The following GRM8 variants were observed in gnomAD, a reference collection of about 807,000 sequenced individuals.
The protein encoded by GRM8 is glutamate metabotropic receptor 8, also known as metabotropic glutamate receptor 8.
Under a neutral mutation model 87.2 loss-of-function variants are expected in GRM8, and 47 were observed. The observed-to-expected ratio is 0.54, with a 90% CI of 0.43 to 0.69. The LOEUF (loss-of-function observed/expected upper bound fraction) is 0.69, where lower values mean the gene tolerates loss of function less well. Ranked by LOEUF, GRM8 falls within the 30% of genes least tolerant of loss-of-function variation. The pLI is 0.00. For missense variants in GRM8, 1,019 were observed against 1,139.2 expected (o/e 0.89, Z 1.52); for synonymous variants, 396 against 404.5 (o/e 0.98, Z 0.25).
chr7:126,571,411 T>C (rs1429795155), intron 8 of GRM8, among the ~76,000 whole-genome samples: 2 of 152,186 alleles, frequency 1.3e-5, no homozygotes, highest in East Asian at 1.9e-4. Context: ...ATAAAGAGTC[T>C]AACTACAGAG....
At chr7:126,486,397 A>G (rs1448497199) in intron 9 of GRM8, among the ~76,000 whole-genome samples, 1 of 151,762 alleles carries the variant, frequency 6.6e-6, no homozygotes, top group Non-Finnish European at 1.5e-5. Flanking sequence ...TATCCATAAG[A>G]CCTCCTCAAA....
At chr7:126,534,881 GAACA>G (rs1562932486) in intron 8 of GRM8, among the ~76,000 whole-genome samples, 5 of 152,226 alleles carry the variant, frequency 3.3e-5, no homozygotes, top group African/African-American at 9.6e-5. Context: ...TCACTGGTGT[GAACA>G]AACAGTGACT....
At position 127,231,545 on chromosome 7, in the gene GRM8, ATG is replaced by A. The variant is rs1340028905; in HGVS notation, c.510+11148_510+11149del. On this transcript the variant is annotated intron_variant, in intron 2 of 10. Transcript: ENST00000339582. ...TGTTTTTCTGATTGTCCTAAAATGA[ATG>A]TGACTTCTAGAACAAGTACTTCTGA... is the stretch of plus-strand genomic sequence containing the variant. 5.3e-5 allele frequency among the ~76,000 whole-genome samples: 8 copies of A among 152,352 alleles called. No homozygotes were observed. In the East Asian group the frequency reaches 1.5e-3, roughly 29 times the overall value.
At chr7:126,608,202 T>G (rs1390763601) in intron 8 of GRM8, among the ~76,000 whole-genome samples, 1 of 146,976 alleles carries the variant, frequency 6.8e-6, no homozygotes, top group Non-Finnish European at 1.5e-5. Flanking sequence ...AAGTTCAGAA[T>G]TGGTTTCCTG....
intron 6 of GRM8, among the ~76,000 whole-genome samples, chr7:126,816,138 C>G (rs747532678): frequency 6.6e-6 from 1 of 152,068 alleles, no homozygotes; most frequent in Non-Finnish European, 1.5e-5. Flanking sequence ...CTAGTCTCAA[C>G]TCAGGGCCAA....
chr7:126,894,846 C>A (rs942204264), intron 6 of GRM8, among the ~76,000 whole-genome samples: 2 of 152,066 alleles, frequency 1.3e-5, no homozygotes, highest in Non-Finnish European at 2.9e-5. Flanking sequence ...AGACAACCAA[C>A]TTGACCAGAT....
chr7:126,616,970 C>T (rs905178077), intron 7 of GRM8, among the ~76,000 whole-genome samples: 18 of 152,162 alleles, frequency 1.2e-4, no homozygotes, highest in African/African-American at 4.3e-4. Context: ...GGTACCATTC[C>T]TTCTGAAAAT....
intron 8 of GRM8, among the ~76,000 whole-genome samples, chr7:126,566,161 G>A (rs770865300): frequency 4.6e-5 from 7 of 152,076 alleles, no homozygotes; most frequent in South Asian, 2.1e-4. Flanking sequence ...AAGCATTGGC[G>A]AAGAAAACAA....
intron 2 of GRM8, among the ~76,000 whole-genome samples, chr7:127,238,960 C>A (rs1014127152): frequency 6.6e-6 from 1 of 152,188 alleles, no homozygotes; most frequent in Non-Finnish European, 1.5e-5. Context: ...AAATAAAATG[C>A]TCCTCTGACT....
intron 7 of GRM8, among the ~76,000 whole-genome samples, chr7:126,623,791 A>G (rs1014061073): frequency 1.3e-5 from 2 of 152,156 alleles, no homozygotes; most frequent in Admixed American, 1.3e-4. Context: ...CAAGGCCCAT[A>G]TCTAGGCCAG....
intron 8 of GRM8, among the ~76,000 whole-genome samples, chr7:126,535,795 A>G (rs968760110): frequency 6.6e-6 from 1 of 151,056 alleles, no homozygotes; most frequent in African/African-American, 2.4e-5. Flanking sequence ...CATCATGAAA[A>G]CTCTCAGCAG....
intron 2 of GRM8, among the ~76,000 whole-genome samples, chr7:127,163,789 T>C (rs1277619775): frequency 6.6e-6 from 1 of 152,172 alleles, no homozygotes; most frequent in Non-Finnish European, 1.5e-5. Context: ...CCCTCTACTT[T>C]TGCACATGTT....
At chr7:126,571,738 C>T (rs2150987171) in intron 8 of GRM8, among the ~76,000 whole-genome samples, 1 of 143,214 alleles carries the variant, frequency 7.0e-6, no homozygotes, top group African/African-American at 2.6e-5. Flanking sequence ...TCCAAATATA[C>T]AGGATTTTTT....
intron 8 of GRM8, among the ~76,000 whole-genome samples, chr7:126,605,346 A>G (rs1398526440): frequency 2.0e-5 from 3 of 152,204 alleles, no homozygotes; most frequent in Non-Finnish European, 4.4e-5. Context: ...TACTGAGTAG[A>G]AAACTTAAAC....
Position 127,106,668 on chromosome 7 carries a change from A to G in GRM8, c.555T>C (p.Asp185=). Reference sequence around the variant, plus strand: ...GAGAGAAAAAGTCATACCTGGTGTTATCACTTAGCTCTGGGGCTGTGGATG... The same window carrying G: ...GAGAGAAAAAGTCATACCTGGTGTTGTCACTTAGCTCTGGGGCTGTGGATG... The part of the protein sequence containing the change: ...SYASTAPELS[D]NTRYDFFSRV... Residue 185 remains aspartate, a synonymous_variant, in exon 3 of 11, where the codon GAT becomes GAC. Transcript: ENST00000339582. The G allele has an allele frequency of 6.2e-7, 1 of 1,614,022 alleles. No homozygotes were observed. The highest frequency in any genetic ancestry group is 8.5e-7 in the Non-Finnish European group (1 of 1,179,900).
intron 2 of GRM8, among the ~76,000 whole-genome samples, chr7:127,198,837 ATTTT>A (rs35710456): frequency 2.4e-5 from 3 of 125,808 alleles, no homozygotes; most frequent in Admixed American, 8.0e-5. Flanking sequence ...ACCGTGCCTA[ATTTT>A]TTTTTTTTTT....
Position 127,242,579 on chromosome 7 carries a change from A to C in GRM8, c.510+116T>G. 4 of 955,230 alleles carry C rather than the reference A, an allele frequency of 4.2e-6. No homozygotes were observed. The East Asian group carries it at 9.7e-5, about 23-fold the overall frequency. The allele number at this position is 955,230 out of a possible 1,614,324, so 59.2% of individuals were successfully genotyped here. On this transcript the variant is annotated intron_variant, in intron 2 of 10. Coordinates refer to ENST00000339582, the MANE Select transcript of GRM8 (RefSeq NM_000845.3). ...TGTCCCATTTGAGGAACCTGGTAACACCAAAAGGGTCTATGAGCACCTTCA... is the reference window on the plus strand; with the variant it reads ...TGTCCCATTTGAGGAACCTGGTAACCCCAAAAGGGTCTATGAGCACCTTCA...
At chr7:127,189,716 C>A (rs1348646242) in intron 2 of GRM8, among the ~76,000 whole-genome samples, 1 of 152,170 alleles carries the variant, frequency 6.6e-6, no homozygotes, top group Non-Finnish European at 1.5e-5. Flanking sequence ...GCATCTCTGT[C>A]TGGTTCATGA....
At chr7:126,865,465 C>T (rs887464118) in intron 6 of GRM8, among the ~76,000 whole-genome samples, 1 of 152,156 alleles carries the variant, frequency 6.6e-6, no homozygotes, top group African/African-American at 2.4e-5. Flanking sequence ...ATGAACAATT[C>T]AATGGCTTTT....
Sources: allele counts gnomAD v4.1 joint callset (sites outside exome capture counted in the v4.1 genomes callset), GRCh38; gene constraint gnomAD v4.1.1; transcripts MANE v1.5; gene names NCBI Gene and HGNC (gene_info 2026-07-23, HGNC 2026-07-21).